The following JPH2 variants were observed in gnomAD, a reference collection of about 807,000 sequenced individuals.
The protein encoded by JPH2 is junctophilin 2.
In JPH2, 38 loss-of-function variants were observed where a neutral mutation model predicts 55.9. That is an observed-to-expected ratio of 0.68 (90% CI 0.52 to 0.89). The LOEUF (loss-of-function observed/expected upper bound fraction) is 0.89, where lower values mean the gene tolerates loss of function less well. Ranked by LOEUF, JPH2 falls within the 40% of genes least tolerant of loss-of-function variation. The probability of loss-of-function intolerance (pLI) is 0.00; values close to 1 mark genes in which losing one functional copy is unlikely to be tolerated. For missense variants in JPH2, 964 were observed against 1,037.6 expected (o/e 0.93, Z 0.97); for synonymous variants, 480 against 472.4 (o/e 1.02, Z -0.21).
rs3037626 is a variant in JPH2 at position 44,114,565 on chromosome 20, AGTGTGTGTGTGTGT to A, written c.*14+203_*14+216del. On this transcript the variant is annotated intron_variant, in intron 5 of 5. Coordinates refer to ENST00000372980, the MANE Select transcript of JPH2 (RefSeq NM_020433.5). ...CTGCAAACACTAAGCTAATGAAGTA[AGTGTGTGTGTGTGT>A]GTGTGTGTGTGTGTGTGTGTGTGTG... Among the ~76,000 whole-genome samples, 1,280 of 141,990 alleles carry A rather than the reference AGTGTGTGTGTGTGT, an allele frequency of 9.0e-3. 8 individuals carry two copies. Among genetic ancestry groups the A allele is most frequent in the Middle Eastern group, 0.022 (6 of 270 alleles). 93.2% of individuals were successfully genotyped at this position (141,990 alleles called of 152,430 possible).
chr20:44,183,476 C>T (rs1354911876), intron 1 of JPH2, among the ~76,000 whole-genome samples: 1 of 152,202 alleles, frequency 6.6e-6, no homozygotes, highest in Non-Finnish European at 1.5e-5. Flanking sequence ...CAGGCCCTCA[C>T]CCAGACACCC....
intron 2 of JPH2, among the ~76,000 whole-genome samples, chr20:44,121,937 C>T (rs917612038): frequency 6.6e-6 from 1 of 152,120 alleles, no homozygotes; most frequent in African/African-American, 2.4e-5. Context: ...ATCGAGGCTG[C>T]AGTGAGCTAT....
At chr20:44,124,975 G>T (rs916583673) in intron 2 of JPH2, among the ~76,000 whole-genome samples, 1 of 124,480 alleles carries the variant, frequency 8.0e-6, no homozygotes, top group African/African-American at 3.2e-5. Flanking sequence ...TGGGCACGGT[G>T]GTGCGCACCT....
At chr20:44,173,033 C>T (rs755142774) in intron 1 of JPH2, among the ~76,000 whole-genome samples, 1 of 152,166 alleles carries the variant, frequency 6.6e-6, no homozygotes, top group Non-Finnish European at 1.5e-5. Flanking sequence ...ACCTCACAAG[C>T]TAACTGTCTT....
intron 1 of JPH2, among the ~76,000 whole-genome samples, chr20:44,173,868 G>A (rs769379473): frequency 2.6e-5 from 4 of 152,058 alleles, no homozygotes; most frequent in Non-Finnish European, 5.9e-5. Context: ...AGCCGAGATC[G>A]TACCACTGCA....
chr20:44,154,266 G>A (rs1216482349), intron 2 of JPH2, among the ~76,000 whole-genome samples: 1 of 152,140 alleles, frequency 6.6e-6, no homozygotes, highest in Non-Finnish European at 1.5e-5. Flanking sequence ...AAGAAACAGT[G>A]CAATTAATTT....
chr20:44,178,980 T>C (rs1452829431), intron 1 of JPH2, among the ~76,000 whole-genome samples: 1 of 152,204 alleles, frequency 6.6e-6, no homozygotes, highest in Non-Finnish European at 1.5e-5. Flanking sequence ...CAGAGTCAAT[T>C]GGACTAAAAT....
chr20:44,153,348 G>C (rs776595488), intron 2 of JPH2, among the ~76,000 whole-genome samples: 3 of 152,208 alleles, frequency 2.0e-5, no homozygotes, highest in African/African-American at 4.8e-5. Context: ...CCAGAGGGGT[G>C]AGGTAACTTG....
intron 1 of JPH2, among the ~76,000 whole-genome samples, chr20:44,179,288 T>C (rs2072761015): frequency 6.6e-6 from 1 of 152,216 alleles, no homozygotes; most frequent in Non-Finnish European, 1.5e-5. Context: ...CAATTTTACA[T>C]TCTTTTTAGA....
At position 44,160,717 on chromosome 20, in the gene JPH2, C is replaced by T. The variant is rs142928339; in HGVS notation, c.380-310G>A. ...TAGTGCAAATGTTGGAGAGCATGGG[C>T]TTGTGTGTGTATTTGTGCAAGATCG... On this transcript the variant is annotated intron_variant, in intron 1 of 5. Transcript: ENST00000372980. This position sits in a 1 kb window ranked among gnomAD's most constrained non-coding sequence, Gnocchi z 4.9. Among the ~76,000 whole-genome samples the T allele has an allele frequency of 1.0e-3, 159 of 152,288 alleles. 1 individual carries two copies. The highest frequency in any genetic ancestry group is 3.7e-3 in the African/African-American group (154 of 41,566).
chr20:44,176,007 C>G (rs1001380698), intron 1 of JPH2, among the ~76,000 whole-genome samples: 1 of 152,192 alleles, frequency 6.6e-6, no homozygotes, highest in Non-Finnish European at 1.5e-5. Context: ...CTCCTCAAAC[C>G]CTCACCCCAT....
chr20:44,135,160 C>A (rs138368627), intron 2 of JPH2, among the ~76,000 whole-genome samples: 1 of 151,688 alleles, frequency 6.6e-6, no homozygotes, highest in Non-Finnish European at 1.5e-5. Context: ...CCTTCTTATG[C>A]CCCATCTAGT....
At position 44,110,050 on chromosome 20, in the gene JPH2, A is replaced by C. The variant is rs1040662314; in HGVS notation, c.*3468T>G. Among the ~76,000 whole-genome samples the C allele has an allele frequency of 6.6e-5, 10 of 152,132 alleles. No homozygotes were observed. The highest frequency in any genetic ancestry group is 1.2e-4 in the Non-Finnish European group (8 of 68,016). ...TGCCTGTGGTCAAGATTAGAAGAGG[A>C]GGCATCGGCCTGGCTGTGTCCTACC... On this transcript the variant is annotated 3_prime_UTR_variant, in exon 6 of 6. Transcript: ENST00000372980.
intron 1 of JPH2, among the ~76,000 whole-genome samples, chr20:44,173,776 T>C (rs2072714398): frequency 6.6e-6 from 1 of 152,096 alleles, no homozygotes; most frequent in African/African-American, 2.4e-5. Flanking sequence ...TAGCCTGGCG[T>C]GGTGGCGCAT....
At chr20:44,132,315 T>C (rs1056846214) in intron 2 of JPH2, among the ~76,000 whole-genome samples, 19 of 149,208 alleles carry the variant, frequency 1.3e-4, no homozygotes, top group African/African-American at 3.5e-4. Context: ...ATAATACAGG[T>C]TGCCCACTGT....
chr20:44,169,945 A>C (rs2072685456), intron 1 of JPH2, among the ~76,000 whole-genome samples: 2 of 152,118 alleles, frequency 1.3e-5, no homozygotes, highest in South Asian at 4.2e-4. Context: ...CACCAGTAAG[A>C]ATGCCACTCC....
At chr20:44,158,797 A>G (rs1190539825) in intron 2 of JPH2, among the ~76,000 whole-genome samples, 1 of 151,992 alleles carries the variant, frequency 6.6e-6, no homozygotes, top group Non-Finnish European at 1.5e-5. Context: ...GTGGGAGTGG[A>G]TGTTGTTTTA....
intron 2 of JPH2, among the ~76,000 whole-genome samples, chr20:44,130,448 G>C (rs530837510): frequency 9.2e-5 from 14 of 152,370 alleles, no homozygotes; most frequent in African/African-American, 3.1e-4. Context: ...AAGAAAGTCT[G>C]GTTCTCTGGG....
chr20:44,107,806 T>C lies in JPH2; in HGVS notation c.*5712A>G, dbSNP rs529742225. Among the ~76,000 whole-genome samples the C allele has an allele frequency of 2.6e-5, 4 of 152,310 alleles. No homozygotes were observed. The East Asian group carries it at 7.7e-4, about 29-fold the overall frequency. On this transcript the variant is annotated 3_prime_UTR_variant, in exon 6 of 6. Coordinates refer to ENST00000372980, the MANE Select transcript of JPH2 (RefSeq NM_020433.5). ...AGGAAGAGATACAGGGTTGTGTAGT[T>C]AGCAACTGGGCCTTGAGGGAGAGGT...
Sources: allele counts gnomAD v4.1 joint callset (sites outside exome capture counted in the v4.1 genomes callset), GRCh38; gene constraint gnomAD v4.1.1; non-coding constraint Gnocchi (gnomAD v3.1); transcripts MANE v1.5; gene names NCBI Gene and HGNC (gene_info 2026-07-23, HGNC 2026-07-21).